CLPB: variants seen among roughly 807,000 people sequenced by gnomAD.
CLPB encodes the protein ClpB family mitochondrial disaggregase, also known as mitochondrial disaggregase.
Under a neutral mutation model 78.4 loss-of-function variants are expected in CLPB, and 40 were observed. The observed-to-expected ratio is 0.51, with a 90% CI of 0.40 to 0.66. CLPB has a LOEUF of 0.66. CLPB is among the 30% of genes least tolerant of loss of function. The pLI, the probability that CLPB is intolerant of heterozygous loss-of-function variation, is 0.00. For missense variants in CLPB, 780 were observed against 886.9 expected (o/e 0.88, Z 1.53); for synonymous variants, 333 against 348.0 (o/e 0.96, Z 0.48).
chr11:72,361,927 G>A (rs1035684586), intron 4 of CLPB, among the ~76,000 whole-genome samples: 4 of 152,162 alleles, frequency 2.6e-5, no homozygotes, highest in African/African-American at 9.7e-5. Flanking sequence ...GCTATACACA[G>A]GGTACTTACC....
At chr11:72,412,345 C>T (rs538241456) in intron 2 of CLPB, among the ~76,000 whole-genome samples, 12 of 152,292 alleles carry the variant, frequency 7.9e-5, no homozygotes, top group African/African-American at 2.6e-4. Context: ...GGAGTGAGAG[C>T]AGTGAGGGAG....
At chr11:72,332,500 G>A (rs1283577622) in intron 5 of CLPB, among the ~76,000 whole-genome samples, 1 of 151,372 alleles carries the variant, frequency 6.6e-6, no homozygotes, top group Non-Finnish European at 1.5e-5. Context: ...AAAATGGAAA[G>A]GAAAGGAAAA....
At chr11:72,308,715 CCACT>C (rs1403865049) in intron 7 of CLPB, 111 bp from the exon 8 acceptor site, 6 of 952,026 alleles carry the variant, frequency 6.3e-6, no homozygotes, top group East Asian at 2.5e-5. Context: ...TGCTCTGCGC[CCACT>C]CAAAGTCCTC....
At chr11:72,395,025 A>G (rs1401212755) in intron 3 of CLPB, among the ~76,000 whole-genome samples, 1 of 152,032 alleles carries the variant, frequency 6.6e-6, no homozygotes, top group Non-Finnish European at 1.5e-5. Context: ...CCTTCTGCAA[A>G]TGCTCTCCCC....
chr11:72,389,336 A>G (rs1473508470), intron 3 of CLPB, among the ~76,000 whole-genome samples: 4 of 152,346 alleles, frequency 2.6e-5, no homozygotes, highest in Non-Finnish European at 5.9e-5. Context: ...GAAGGTAGGC[A>G]CTGCTACTGG....
chr11:72,318,369 C>T (rs539888070), intron 6 of CLPB, among the ~76,000 whole-genome samples: 38 of 152,044 alleles, frequency 2.5e-4, no homozygotes, highest in African/African-American at 8.9e-4. Context: ...AGGAGGGAGC[C>T]GTGGGACTGT....
intron 6 of CLPB, among the ~76,000 whole-genome samples, chr11:72,324,397 G>A (rs1389142943): frequency 2.0e-5 from 3 of 151,832 alleles, no homozygotes; most frequent in Non-Finnish European, 2.9e-5. Flanking sequence ...GTGAAACCCC[G>A]TCTCTACTAA....
chr11:72,356,757 G>A (rs1340597002), intron 5 of CLPB: 1 of 152,200 alleles, frequency 6.6e-6, no homozygotes, highest in Non-Finnish European at 1.5e-5. Context: ...TTCATAAAAG[G>A]CCCTCGTCTT....
At chr11:72,322,986 A>G (rs1330982755) in intron 6 of CLPB, among the ~76,000 whole-genome samples, 1 of 152,220 alleles carries the variant, frequency 6.6e-6, no homozygotes, top group Non-Finnish European at 1.5e-5. Flanking sequence ...GAGACAGAAC[A>G]GTAACCCTTG....
intron 5 of CLPB, among the ~76,000 whole-genome samples, chr11:72,342,603 CA>C (rs1411446922): frequency 6.6e-6 from 1 of 152,106 alleles, no homozygotes; most frequent in East Asian, 1.9e-4. Context: ...GGCCAGAGAG[CA>C]GCTAGGAGCA....
At chr11:72,416,954 C>T (rs1856044600) in intron 2 of CLPB, among the ~76,000 whole-genome samples, 1 of 152,142 alleles carries the variant, frequency 6.6e-6, no homozygotes, top group African/African-American at 2.4e-5. Context: ...AGGTAGAACC[C>T]TCACACGTTG....
In CLPB at chr11:72,287,909, G is replaced by T. The variant is rs887589971; in HGVS notation, c.*5458C>A. On this transcript the variant is annotated 3_prime_UTR_variant, in exon 16 of 16. Transcript: ENST00000538039. ...CTTTCCCCTTTTATCAGGCTCAGGA[G>T]GTTTTATCTATTTTATTGGTGCTTT... is the stretch of plus-strand genomic sequence containing the variant. The T allele has an allele frequency of 1.3e-5, 2 of 151,420 alleles. No individual in the cohort carries two copies. The highest frequency in any genetic ancestry group is 1.3e-4 in the Admixed American group (2 of 15,234). 9.4% of individuals were successfully genotyped at this position (151,420 alleles called of 1,614,324 possible).
intron 4 of CLPB, among the ~76,000 whole-genome samples, chr11:72,376,037 T>C (rs1399908172): frequency 6.6e-6 from 1 of 152,182 alleles, no homozygotes; most frequent in East Asian, 1.9e-4. Context: ...AGTGACTCCA[T>C]AGTCTAATAT....
intron 2 of CLPB, among the ~76,000 whole-genome samples, chr11:72,422,134 G>A (rs532739633): frequency 6.6e-6 from 1 of 152,164 alleles, no homozygotes; most frequent in East Asian, 1.9e-4. Flanking sequence ...GGGCGTGGTG[G>A]CGGGCGCCTG....
At position 72,285,769 on chromosome 11, in the gene CLPB, C is replaced by A. The variant is rs1307878668; in HGVS notation, c.*7598G>T. The A allele has an allele frequency of 6.6e-6, 1 of 152,118 alleles. No homozygotes were observed. 9.4% of individuals were successfully genotyped at this position (152,118 alleles called of 1,614,324 possible). A position where few individuals can be genotyped will look rare whatever the true frequency, so the allele number is the denominator to read the frequency against. ...TGAATTGCCCAGTTCTGCTCCCTTC[C>A]AGAAATAGGTTATGTGTAGAAGAGC... On this transcript the variant is annotated 3_prime_UTR_variant, in exon 16 of 16. Coordinates refer to ENST00000538039, the MANE Select transcript of CLPB (RefSeq NM_001258392.3).
At chr11:72,388,565 A>G (rs942109163) in intron 3 of CLPB, among the ~76,000 whole-genome samples, 3 of 152,148 alleles carry the variant, frequency 2.0e-5, no homozygotes, top group Non-Finnish European at 4.4e-5. Flanking sequence ...CTTCACTTTT[A>G]ATAATACTCA....
At chr11:72,374,964 C>T (rs751179348) in intron 4 of CLPB, among the ~76,000 whole-genome samples, 1 of 152,160 alleles carries the variant, frequency 6.6e-6, no homozygotes, top group Non-Finnish European at 1.5e-5. Context: ...CTCTCCAGAC[C>T]CACATATCTA....
rs141818127 is a variant in CLPB, at chr11:72,364,308, A to C, written c.647-5300T>G. ...ACACTGCAACCACTGCAACAATCCAAGTGATTCTCCTGCCTCAGCCTCCCG... is the reference window on the plus strand; with the variant it reads ...ACACTGCAACCACTGCAACAATCCACGTGATTCTCCTGCCTCAGCCTCCCG... On this transcript the variant is annotated intron_variant, in intron 4 of 15. Transcript: ENST00000538039. Among the ~76,000 whole-genome samples the C allele has an allele frequency of 1.5e-4, 23 of 152,120 alleles. No individual in the cohort carries two copies. In the East Asian group the frequency reaches 4.5e-3, roughly 29 times the overall value.
chr11:72,321,550 AGAGGTGGGTGGCTGGGCTGAGTGGC>A, intron 6 of CLPB, among the ~76,000 whole-genome samples: 1 of 152,172 alleles, frequency 6.6e-6, no homozygotes, highest in South Asian at 2.1e-4. Flanking sequence ...CGCTTTGCTT[AGAGGTGGGTGGCTGGGCTGAGTGGC>A]TCTGCGGGGG....
Sources: gnomAD v4.1 joint callset for allele counts (sites outside exome capture counted in the v4.1 genomes callset) on GRCh38, gnomAD v4.1.1 for gene constraint, MANE v1.5 for transcripts, NCBI Gene and HGNC (gene_info 2026-07-23, HGNC 2026-07-21) for gene names.